The following TRIQK variants were observed in gnomAD, a reference collection of about 807,000 sequenced individuals.
TRIQK encodes triple QxxK/R motif containing.
Under a neutral mutation model 10.8 loss-of-function variants are expected in TRIQK, and 10 were observed. The observed-to-expected ratio is 0.92, with a 90% confidence interval of 0.57 to 1.57. TRIQK has a LOEUF of 1.57. Ranked by LOEUF, TRIQK falls within the 40% of genes most tolerant of loss-of-function variation. The pLI, the probability that TRIQK is intolerant of heterozygous loss-of-function variation, is 0.00. For synonymous variants in TRIQK, 33 were observed against 33.7 expected (o/e 0.98, Z 0.07); for missense variants, 107 against 97.7 (o/e 1.09, Z -0.40).
intron 2 of TRIQK, among the ~76,000 whole-genome samples, chr8:92,947,587 G>GAAAA (rs35808197): frequency 9.8e-5 from 6 of 61,424 alleles, no homozygotes; most frequent in Non-Finnish European, 1.7e-4. Flanking sequence ...TCCGCCTCAG[G>GAAAA]AAAAAAAAAA....
In TRIQK at chr8:92,894,707, A is replaced by C. The variant is rs534339161; in HGVS notation, c.62-2633T>G. Reference sequence around the variant, plus strand: ...TTTTCTGTGTATGAACTAACCTATTAGTTCTTTATGTGTTTCATAATTTTA... The same window carrying C: ...TTTTCTGTGTATGAACTAACCTATTCGTTCTTTATGTGTTTCATAATTTTA... On this transcript the variant is annotated intron_variant, in intron 3 of 4. Transcript: ENST00000521988. Among the ~76,000 whole-genome samples the C allele has an allele frequency of 7.9e-5, 12 of 152,202 alleles. No individual in the cohort carries two copies. In the South Asian group the frequency reaches 2.3e-3, roughly 29 times the overall value.
intron 1 of TRIQK, among the ~76,000 whole-genome samples, chr8:93,015,317 T>C (rs1225780689): frequency 6.6e-6 from 1 of 151,988 alleles, no homozygotes; most frequent in Non-Finnish European, 1.5e-5. Context: ...ACCAAAGTAA[T>C]ATAATACTAC....
At chr8:92,940,834 C>T (rs1324811282) in intron 2 of TRIQK, among the ~76,000 whole-genome samples, 1 of 152,148 alleles carries the variant, frequency 6.6e-6, no homozygotes, top group Non-Finnish European at 1.5e-5. Context: ...ACATTCTACT[C>T]AACTGAACAT....
intron 1 of TRIQK, among the ~76,000 whole-genome samples, chr8:92,983,954 A>T (rs1008207545): frequency 6.6e-6 from 1 of 152,090 alleles, no homozygotes. Flanking sequence ...CTGTATTCCT[A>T]TGCCTAATTC....
intron 1 of TRIQK, among the ~76,000 whole-genome samples, chr8:92,956,878 TTAA>T (rs1406403577): frequency 1.3e-5 from 2 of 151,876 alleles, no homozygotes; most frequent in Non-Finnish European, 2.9e-5. Context: ...GGGAGCCTTA[TTAA>T]TGATGATTGT....
At position 92,886,538 on chromosome 8, in the gene TRIQK, G is replaced by T. The variant is rs1171247440; in HGVS notation, c.*84C>A. ...AATATTAGCAGAAAGAATTAAAGATGTTACAGTTTCAGTATTGAAAGTTTT... is the reference window on the plus strand; with the variant it reads ...AATATTAGCAGAAAGAATTAAAGATTTTACAGTTTCAGTATTGAAAGTTTT... On this transcript the variant is annotated 3_prime_UTR_variant, in exon 5 of 5. Coordinates refer to ENST00000521988, the MANE Select transcript of TRIQK (RefSeq NM_001171797.2). 1.4e-6 allele frequency: 1 copy of T among 713,262 alleles called. No individual in the cohort carries two copies. The allele number at this position is 713,262 out of a possible 1,614,324, so 44.2% of individuals were successfully genotyped here.
chr8:92,905,718 G>A (rs979128318), intron 3 of TRIQK, among the ~76,000 whole-genome samples: 35 of 152,110 alleles, frequency 2.3e-4, no homozygotes, highest in African/African-American at 8.2e-4. Context: ...TCTATGACAT[G>A]GTAGATTCAA....
At chr8:92,930,023 A>G (rs1446641291) in intron 2 of TRIQK, among the ~76,000 whole-genome samples, 1 of 151,882 alleles carries the variant, frequency 6.6e-6, no homozygotes, top group Admixed American at 6.6e-5. Context: ...AGTTGTGCAC[A>G]TGTACCCTAG....
At chr8:92,912,565 T>G (rs778435177) in intron 3 of TRIQK, among the ~76,000 whole-genome samples, 11 of 151,682 alleles carry the variant, frequency 7.3e-5, no homozygotes, top group Admixed American at 1.3e-4. Flanking sequence ...ATAGTAAAGA[T>G]TCTGGCAGAA....
intron 1 of TRIQK, among the ~76,000 whole-genome samples, chr8:92,972,327 TC>T (rs1234975263): frequency 6.6e-6 from 1 of 152,214 alleles, no homozygotes; most frequent in Non-Finnish European, 1.5e-5. Flanking sequence ...TTTTTACCTT[TC>T]TCCTCCATTT....
intron 2 of TRIQK, among the ~76,000 whole-genome samples, chr8:92,925,872 T>C (rs1810420895): frequency 6.6e-6 from 1 of 152,150 alleles, no homozygotes; most frequent in African/African-American, 2.4e-5. Flanking sequence ...TAAATGTATA[T>C]GGTTACAAAA....
chr8:92,949,090 T>C (rs1811697266), intron 2 of TRIQK, among the ~76,000 whole-genome samples: 1 of 152,348 alleles, frequency 6.6e-6, no homozygotes, highest in Non-Finnish European at 1.5e-5. Flanking sequence ...CCTTTTTCTG[T>C]CCATAAATCT....
intron 1 of TRIQK, among the ~76,000 whole-genome samples, chr8:93,013,926 T>A (rs1271028950): frequency 6.6e-6 from 1 of 152,030 alleles, no homozygotes; most frequent in Non-Finnish European, 1.5e-5. Context: ...GTAAAGAACA[T>A]GAAAAATACT....
At chr8:92,907,500 T>C (rs1809337490) in intron 3 of TRIQK, among the ~76,000 whole-genome samples, 1 of 152,146 alleles carries the variant, frequency 6.6e-6, no homozygotes, top group African/African-American at 2.4e-5. Flanking sequence ...CAGTTTCAAG[T>C]CTTAAACAGA....
intron 2 of TRIQK, among the ~76,000 whole-genome samples, chr8:92,917,267 A>T (rs1380854457): frequency 6.6e-6 from 1 of 152,026 alleles, no homozygotes; most frequent in East Asian, 1.9e-4. Context: ...CCATTAAACC[A>T]TATTGTTAAA....
At chr8:92,983,569 T>C (rs1813005693) in intron 1 of TRIQK, among the ~76,000 whole-genome samples, 1 of 152,054 alleles carries the variant, frequency 6.6e-6, no homozygotes, top group African/African-American at 2.4e-5. Context: ...AAGAATCACA[T>C]GGGTGTATTT....
intron 3 of TRIQK, among the ~76,000 whole-genome samples, chr8:92,912,548 A>G (rs1345629545): frequency 6.6e-6 from 1 of 151,928 alleles, no homozygotes; most frequent in East Asian, 1.9e-4. Context: ...TGCCAGGAAA[A>G]AGCAAAATAG....
At chr8:92,962,710 C>G (rs1187220982) in intron 1 of TRIQK, among the ~76,000 whole-genome samples, 1 of 152,066 alleles carries the variant, frequency 6.6e-6, no homozygotes, top group Admixed American at 6.5e-5. Context: ...CTGACCGGTT[C>G]ACATTACTCC....
upstream of TRIQK, chr8:92,966,194 T>C (rs1008081987): frequency 6.6e-6 from 1 of 152,228 alleles, no homozygotes; most frequent in Non-Finnish European, 1.5e-5. Context: ...TGCTCTCGGA[T>C]TGGTCGGCCT....
Sources: allele counts gnomAD v4.1 joint callset (sites outside exome capture counted in the v4.1 genomes callset), GRCh38; gene constraint gnomAD v4.1.1; transcripts MANE v1.5; gene names NCBI Gene and HGNC (gene_info 2026-07-23, HGNC 2026-07-21).